MYO9A: variants seen among roughly 807,000 people sequenced by gnomAD.
MYO9A encodes unconventional myosin-IXa.
MYO9A carries 103 observed loss-of-function variants against 293.3 expected under a neutral mutation model. The observed-to-expected ratio is 0.35, with a 90% CI of 0.30 to 0.41. The LOEUF is 0.41. Ranked by LOEUF, MYO9A falls within the 10% of genes least tolerant of loss-of-function variation. The pLI, the probability that MYO9A is intolerant of heterozygous loss-of-function variation, is 1.00. For synonymous variants in MYO9A, 1,001 were observed against 1,035.7 expected, an observed-to-expected ratio of 0.97 and a Z score of 0.64; for missense variants, 2,685 against 3,033.0, an observed-to-expected ratio of 0.89 and a Z score of 2.69.
intron 14 of MYO9A, among the ~76,000 whole-genome samples, chr15:71,955,129 CTTT>C (rs796862707): frequency 2.8e-5 from 4 of 142,104 alleles, no homozygotes; most frequent in African/African-American, 2.6e-5. Context: ...AATTTATTAC[CTTT>C]TTTTTTTTTT....
intron 15 of MYO9A, among the ~76,000 whole-genome samples, chr15:71,941,233 C>T (rs1236209549): frequency 6.6e-6 from 1 of 152,024 alleles, no homozygotes; most frequent in East Asian, 1.9e-4. Flanking sequence ...GTCAGGAGTT[C>T]GAGGCCAGCC....
At chr15:72,055,426 A>G (rs1267150693) in intron 1 of MYO9A, among the ~76,000 whole-genome samples, 1 of 152,246 alleles carries the variant, frequency 6.6e-6, no homozygotes, top group Non-Finnish European at 1.5e-5. Flanking sequence ...CAAAGACTTT[A>G]TGACCAAGAA....
intron 19 of MYO9A, among the ~76,000 whole-genome samples, chr15:71,910,877 C>T (rs1465743752): frequency 6.6e-6 from 1 of 152,064 alleles, no homozygotes; most frequent in African/African-American, 2.4e-5. Context: ...TTTAGTCTTG[C>T]TCTTTTTCTT....
At chr15:72,100,937 G>A (rs1289209632) in intron 1 of MYO9A, among the ~76,000 whole-genome samples, 8 of 127,640 alleles carry the variant, frequency 6.3e-5, no homozygotes, top group South Asian at 2.7e-4. Flanking sequence ...TCAGCCCCCC[G>A]CCCGGCCAGC....
intron 1 of MYO9A, among the ~76,000 whole-genome samples, chr15:72,065,922 G>A (rs1046390605): frequency 1.8e-4 from 28 of 152,126 alleles, no homozygotes; most frequent in Admixed American, 7.9e-4. Flanking sequence ...TTATACTTCC[G>A]CAACCATGAA....
intron 32 of MYO9A, among the ~76,000 whole-genome samples, chr15:71,869,765 G>A (rs2056449494): frequency 6.6e-6 from 1 of 152,154 alleles, no homozygotes; most frequent in South Asian, 2.1e-4. Context: ...AGTTGGTAGA[G>A]AGTAATGAAA....
intron 39 of MYO9A, among the ~76,000 whole-genome samples, chr15:71,835,610 T>C (rs920827757): frequency 3.9e-5 from 6 of 152,168 alleles, no homozygotes; most frequent in South Asian, 4.1e-4. Context: ...TAAAACACTT[T>C]TGAGAGTAGC....
Position 71,916,587 on chromosome 15 carries a change from C to A in MYO9A, c.2563-95G>T, listed in dbSNP as rs1035143869. On this transcript the variant is annotated intron_variant, in intron 18 of 41. Coordinates refer to ENST00000356056, the MANE Select transcript of MYO9A (RefSeq NM_006901.4). ...TTTCATCATTTCCTATCTATATGACCATTTCCCATCTTAAATGACTGTAGT... is the reference window on the plus strand; with the variant it reads ...TTTCATCATTTCCTATCTATATGACAATTTCCCATCTTAAATGACTGTAGT... 8.4e-6 allele frequency: 10 copies of A among 1,186,148 alleles called. No homozygotes were observed. The South Asian group carries it at 1.2e-4, about 14-fold the overall frequency. 73.5% of individuals were successfully genotyped at this position (1,186,148 alleles called of 1,614,324 possible). A position where few individuals can be genotyped will look rare whatever the true frequency, so the allele number is the denominator to read the frequency against.
chr15:72,108,235 C>T (rs958146375), intron 1 of MYO9A, among the ~76,000 whole-genome samples: 1 of 152,180 alleles, frequency 6.6e-6, no homozygotes, highest in Non-Finnish European at 1.5e-5. Context: ...TTAAACCTAT[C>T]GAACTTACAT....
intron 18 of MYO9A, among the ~76,000 whole-genome samples, chr15:71,928,027 AATAT>A (rs1191908867): frequency 0.019 from 203 of 10,748 alleles, 14 homozygotes; most frequent in East Asian, 0.032. Context: ...ATACCTTTCT[AATAT>A]ATATATATAT....
chr15:71,995,891 G>A (rs949578644), intron 9 of MYO9A, among the ~76,000 whole-genome samples: 67 of 151,740 alleles, frequency 4.4e-4, no homozygotes, highest in African/African-American at 1.5e-3. Flanking sequence ...ATTAATTTCT[G>A]AATATTGAAG....
chr15:72,059,834 G>A (rs545667196), intron 1 of MYO9A, among the ~76,000 whole-genome samples: 7 of 152,180 alleles, frequency 4.6e-5, no homozygotes, highest in Non-Finnish European at 1.0e-4. Flanking sequence ...ACAAGACTCA[G>A]CGCTTATTTT....
rs770710293 is a variant in MYO9A at position 71,902,967 on chromosome 15, C to G, written c.2974G>C (p.Asp992His). Reference protein sequence around the residue: ...DFFRKINLNPDNYQVGKTMVF... With the variant: ...DFFRKINLNPHNYQVGKTMVF... ...ATGGTTTTTCCAACTTGATAATTAT[C>G]TGGATTAAGATTTATTTTCCTGAAG... The change falls in exon 22 of 42, where the codon GAT becomes CAT. Residue 992 changes from aspartate to histidine, a missense_variant. Physicochemically the swap from Asp to His is moderately conservative, Grantham distance 81 (BLOSUM62 -1). Coordinates refer to ENST00000356056, the MANE Select transcript of MYO9A (RefSeq NM_006901.4). 1 of 1,583,044 alleles carries G rather than the reference C, an allele frequency of 6.3e-7. No individual in the cohort carries two copies. Among genetic ancestry groups the G allele is most frequent in the Non-Finnish European group, 8.6e-7 (1 of 1,156,446 alleles).
chr15:71,938,645 T>C, intron 16 of MYO9A: 2 of 397,742 alleles, frequency 5.0e-6, no homozygotes, highest in Non-Finnish European at 4.4e-6. Flanking sequence ...TTCAAAATTG[T>C]AAAGCCATTT....
In MYO9A at chr15:71,935,447, T is replaced by A; in HGVS notation, c.2416A>T (p.Ile806Phe). 6.2e-7 allele frequency: 1 copy of A among 1,613,584 alleles called. No homozygotes were observed. The highest frequency in any genetic ancestry group is 8.5e-7 in the Non-Finnish European group (1 of 1,179,658). Residue 806 changes from isoleucine (I) to phenylalanine (F), a missense_variant, in exon 17 of 42, where the codon ATT becomes TTT. Physicochemically the swap from Ile to Phe is conservative, Grantham distance 21 (BLOSUM62 0). Around this residue, in one of 10 missense-constraint regions of MYO9A, gnomAD observed 1,434 missense variants for 1,497.7 expected, o/e 0.96. Transcript: ENST00000356056. Reference protein sequence around the residue: ...FDIAWNGRTGIRQSRLSSGTS... With the variant: ...FDIAWNGRTGFRQSRLSSGTS... ...CCACTTGATAGTCTGCTCTGGCGAA[T>A]CCCAGTTCTGCCATTCCAGGCAATA...
rs577795593 is a variant in MYO9A, at chr15:71,826,626, G to C, written c.7601C>G (p.Ser2534Cys). ...RRKTVDPDCT[S>C]NQQLALFGNN... ...TCCAAAGAGTGCTAGCTGTTGGTTG[G>C]AGGTGCAGTCTGGGTCCACAGTTTT... Residue 2534 changes from serine to cysteine, a missense_variant, in exon 42 of 42, where the codon TCC (serine) becomes TGC (cysteine). Around this residue, in one of 10 missense-constraint regions of MYO9A, gnomAD observed 350 missense variants for 328.9 expected, o/e 1.06. Coordinates refer to ENST00000356056, the MANE Select transcript of MYO9A (RefSeq NM_006901.4). 6.2e-6 allele frequency: 10 copies of C among 1,610,136 alleles called. No homozygotes were observed. The East Asian group carries it at 2.0e-4, about 32-fold the overall frequency.
intron 1 of MYO9A, among the ~76,000 whole-genome samples, chr15:72,091,197 CAA>C (rs34991002): frequency 5.5e-5 from 7 of 127,926 alleles, no homozygotes; most frequent in Admixed American, 1.6e-4. Context: ...AGATCTGTCT[CAA>C]AAAAAAAAAA....
At chr15:71,901,547 T>A (rs2057484520) in intron 22 of MYO9A, among the ~76,000 whole-genome samples, 1 of 151,890 alleles carries the variant, frequency 6.6e-6, no homozygotes, top group African/African-American at 2.4e-5. Flanking sequence ...GAAGGTGAGC[T>A]GGGTGTGGTG....
Position 71,951,667 on chromosome 15 carries a change from T to C in MYO9A, c.2302+110A>G, listed in dbSNP as rs146216754. 2.8e-4 allele frequency: 346 copies of C among 1,256,316 alleles called. 1 individual carries two copies. The African/African-American group carries it at 4.3e-3, about 16-fold the overall frequency. 77.8% of individuals were successfully genotyped at this position (1,256,316 alleles called of 1,614,324 possible). A position where few individuals can be genotyped will look rare whatever the true frequency, so the allele number is the denominator to read the frequency against. Reference sequence around the variant, plus strand: ...TATTCAAAGACTGCTCAGAGGTTTATGGAGGCCATGTTGCCCATACAATCT... The same window carrying C: ...TATTCAAAGACTGCTCAGAGGTTTACGGAGGCCATGTTGCCCATACAATCT... On this transcript the variant is annotated intron_variant, in intron 15 of 41. Transcript: ENST00000356056.
Sources: gnomAD v4.1 joint callset for allele counts (sites outside exome capture counted in the v4.1 genomes callset) on GRCh38, gnomAD v4.1.1 for gene constraint, gnomAD v4.1.1 regional missense constraint, MANE v1.5 for transcripts, NCBI Gene and HGNC (gene_info 2026-07-23, HGNC 2026-07-21) for gene names.